Variants in AOPEP observed in about 807,000 individuals in gnomAD.
AOPEP encodes aminopeptidase O (putative).
AOPEP carries 77 observed loss-of-function variants against 98.1 expected under a neutral mutation model. The ratio of observed to expected loss-of-function variants is 0.78; its 90% confidence interval spans 0.65 to 0.95. The LOEUF is 0.95. Among genes scored for constraint, AOPEP ranks in the 40% least tolerant of loss-of-function variants. The probability of loss-of-function intolerance (pLI) is 0.00; values close to 1 mark genes in which losing one functional copy is unlikely to be tolerated. For missense variants in AOPEP, 1,024 were observed against 1,024.7 expected (o/e 1.00, Z 0.01); for synonymous variants, 346 against 365.3 (o/e 0.95, Z 0.60).
intron 10 of AOPEP, among the ~76,000 whole-genome samples, chr9:94,973,034 C>T (rs1209799089): frequency 1.3e-5 from 2 of 152,174 alleles, no homozygotes; most frequent in Non-Finnish European, 2.9e-5. Context: ...ATGTAAACAT[C>T]GACACAGATG....
intron 7 of AOPEP, chr9:94,932,217 C>T (rs958490968): frequency 1.5e-5 from 15 of 986,930 alleles, no homozygotes; most frequent in Non-Finnish European, 2.4e-6. Flanking sequence ...GAAAAGTATG[C>T]TTGGTCCAAG....
intron 5 of AOPEP, among the ~76,000 whole-genome samples, chr9:94,830,171 T>C (rs2134426343): frequency 6.6e-6 from 1 of 152,316 alleles, no homozygotes; most frequent in Admixed American, 6.5e-5. Context: ...GCATTAACTA[T>C]TCTCCCTGAT....
At chr9:94,949,234 A>G (rs2057920544) in intron 7 of AOPEP, among the ~76,000 whole-genome samples, 1 of 152,146 alleles carries the variant, frequency 6.6e-6, no homozygotes, top group African/African-American at 2.4e-5. Flanking sequence ...ACCTGAGGAC[A>G]TTTTGGTTTT....
intron 2 of AOPEP, among the ~76,000 whole-genome samples, chr9:94,769,134 A>G (rs944652286): frequency 2.0e-5 from 3 of 152,204 alleles, no homozygotes; most frequent in African/African-American, 7.2e-5. Flanking sequence ...TGTAGTGGGT[A>G]TGATTTCATG....
intron 5 of AOPEP, among the ~76,000 whole-genome samples, chr9:94,880,965 T>C (rs2047514439): frequency 1.3e-5 from 2 of 152,214 alleles, no homozygotes; most frequent in South Asian, 4.1e-4. Context: ...CTAGTTTGGA[T>C]ACTACACCTA....
At chr9:94,975,025 T>C (rs2059754475) in intron 10 of AOPEP, among the ~76,000 whole-genome samples, 1 of 151,908 alleles carries the variant, frequency 6.6e-6, no homozygotes, top group African/African-American at 2.4e-5. Flanking sequence ...AGGCCAGGAG[T>C]TTAAGACCAG....
At chr9:95,117,650 C>T in the AOPEP span, among the ~76,000 whole-genome samples, 1 of 151,846 alleles carries the variant, frequency 6.6e-6, no homozygotes, top group African/African-American at 2.4e-5. Flanking sequence ...TTCACATGAA[C>T]CCAATTATAC....
At chr9:95,110,174 A>G in the AOPEP span, 2 of 890,378 alleles carry the variant, frequency 2.2e-6, no homozygotes, top group South Asian at 1.0e-4. Flanking sequence ...TTTTCATAAA[A>G]AAGGACCAAG....
rs1056568247 is a variant in AOPEP, at chr9:94,730,941, A to G, written c.-136+4190A>G. 2.6e-4 allele frequency among the ~76,000 whole-genome samples: 39 copies of G among 152,208 alleles called. 1 individual carries two copies. The highest frequency in any genetic ancestry group is 2.1e-4 in the South Asian group (1 of 4,830). On this transcript the variant is annotated intron_variant, in intron 1 of 16. Coordinates refer to ENST00000375315, the MANE Select transcript of AOPEP (RefSeq NM_001193329.3). ...TCTTGTAATGTTAAAGAAAAAAAAG[A>G]CGATTAATTTGCTACGTGCAGTGAA... is the stretch of plus-strand genomic sequence containing the variant.
intron 16 of AOPEP, among the ~76,000 whole-genome samples, chr9:95,084,321 A>G (rs1450298919): frequency 6.6e-6 from 1 of 152,190 alleles, no homozygotes; most frequent in Non-Finnish European, 1.5e-5. Flanking sequence ...AAAAGAAATA[A>G]AAAGTTTTTC....
At chr9:94,899,639 A>G (rs2050125570) in intron 5 of AOPEP, among the ~76,000 whole-genome samples, 1 of 151,770 alleles carries the variant, frequency 6.6e-6, no homozygotes, top group Admixed American at 6.6e-5. Context: ...AGTCCCAGCT[A>G]CTTGGGAGGC....
chr9:95,080,172 A>G (rs923614631), intron 14 of AOPEP, among the ~76,000 whole-genome samples: 1 of 152,212 alleles, frequency 6.6e-6, no homozygotes, highest in African/African-American at 2.4e-5. Context: ...CACCCAACAG[A>G]AACACCTGCT....
At chr9:95,003,142 ATGTGTGTGTGTGTGTG>A (rs139797365) in intron 11 of AOPEP, among the ~76,000 whole-genome samples, 2 of 149,376 alleles carry the variant, frequency 1.3e-5, no homozygotes, top group Non-Finnish European at 3.0e-5. Context: ...AGAATTAAGA[ATGTGTGTGTGTGTGTG>A]TGTGTGTGCG....
At chr9:94,736,441 G>C (rs7032483) in intron 1 of AOPEP, among the ~76,000 whole-genome samples, 2,440 of 152,138 alleles carry the variant, frequency 0.016, 72 homozygotes, top group African/African-American at 0.056. Flanking sequence ...GAAAAAGCTG[G>C]TATTTTTGTC....
chr9:94,896,911 T>A (rs78377227), intron 5 of AOPEP, among the ~76,000 whole-genome samples: 2 of 2,632 alleles, frequency 7.6e-4, no homozygotes, highest in South Asian at 0.2. Context: ...CTTTTGTGGG[T>A]TTTTTTTTTT....
intron 5 of AOPEP, among the ~76,000 whole-genome samples, chr9:94,830,632 GTCTTCCAC>G (rs1192463249): frequency 6.6e-6 from 1 of 152,210 alleles, no homozygotes; most frequent in Non-Finnish European, 1.5e-5. Context: ...TGGCCACACT[GTCTTCCAC>G]GATGGTTGAA....
intron 2 of AOPEP, among the ~76,000 whole-genome samples, chr9:94,768,620 A>G (rs753668317): frequency 9.2e-5 from 14 of 152,162 alleles, no homozygotes; most frequent in Non-Finnish European, 1.6e-4. Context: ...TTCTTCCTCA[A>G]TTTAGAAGTT....
intron 13 of AOPEP, among the ~76,000 whole-genome samples, chr9:95,060,126 T>C (rs1255533144): frequency 6.6e-6 from 1 of 152,260 alleles, no homozygotes. Context: ...GCTGCACATA[T>C]AGTTGTGTAC....
chr9:95,142,055 C>T, the AOPEP span, among the ~76,000 whole-genome samples: 3 of 131,394 alleles, frequency 2.3e-5, no homozygotes, highest in Non-Finnish European at 4.6e-5. Flanking sequence ...TGCAATGGCA[C>T]GATCTCGGCT....
Sources: allele counts gnomAD v4.1 joint callset (sites outside exome capture counted in the v4.1 genomes callset), GRCh38; gene constraint gnomAD v4.1.1; transcripts MANE v1.5; gene names NCBI Gene and HGNC (gene_info 2026-07-23, HGNC 2026-07-21).